Variants in MED14 observed in about 807,000 individuals in gnomAD.
MED14 encodes the protein mediator of RNA polymerase II transcription subunit 14.
A neutral mutation model predicts 109.0 loss-of-function variants in MED14; 8 were observed. The ratio of observed to expected loss-of-function variants is 0.07; its 90% CI spans 0.04 to 0.13. MED14 has a LOEUF of 0.13. Among genes scored for constraint, MED14 ranks in the 10% least tolerant of loss-of-function variants. The pLI, the probability that MED14 is intolerant of heterozygous loss-of-function variation, is 1.00. For missense variants in MED14, 711 were observed against 1,142.4 expected (o/e 0.62, Z 5.44); for synonymous variants, 399 against 408.7 (o/e 0.98, Z 0.29).
intron 15 of MED14, among the ~76,000 whole-genome samples, chrX:40,689,755 T>C (rs1930430922): frequency 8.9e-6 from 1 of 111,978 alleles, no homozygotes; most frequent in African/African-American, 3.2e-5. Flanking sequence ...TATTCACATC[T>C]CAGCCTAAAT....
chrX:40,667,928 AAGT>A (rs745313826), intron 23 of MED14, among the ~76,000 whole-genome samples: 65 of 111,597 alleles, frequency 5.8e-4, no homozygotes, highest in Admixed American at 2.7e-3. Context: ...GCTTCGGCCC[AAGT>A]AGCAGGAAGG....
In MED14 at chrX:40,703,408, TC is replaced by T. The variant is rs1224338427; in HGVS notation, c.1411+35del. On this transcript the variant is annotated intron_variant, in intron 11 of 30. Transcript: ENST00000324817. ...TTTTGTTTTTGTTAAAAATAATTTT[TC>T]TTACATTGAATGATTATATCATTTA... The T allele has an allele frequency of 5.5e-6, 6 of 1,096,174 alleles. No homozygotes were observed. In the African/African-American group the frequency reaches 9.1e-5, roughly 17 times the overall value. The allele number at this position is 1,096,174 out of a possible 1,213,427, so 90.3% of individuals were successfully genotyped here.
Position 40,650,270 on chromosome X carries a change from A to C in MED14, c.*1536T>G. The C allele has an allele frequency of 2.7e-6, 2 of 754,040 alleles. No individual in the cohort carries two copies. The highest frequency in any genetic ancestry group is 1.3e-4 in the South Asian group (2 of 14,885). 62.1% of individuals were successfully genotyped at this position (754,040 alleles called of 1,213,427 possible). ...GAAGTGGGAGATGAAGGCAGAAATA[A>C]GACAAAGAAGAAAGGCAAAGAAGGC... is the stretch of plus-strand genomic sequence containing the variant. On this transcript the variant is annotated 3_prime_UTR_variant, in exon 31 of 31. Transcript: ENST00000324817.
Position 40,713,940 on chromosome X carries a change from G to A in MED14, c.523-33C>T, listed in dbSNP as rs752965223. 4.2e-5 allele frequency: 49 copies of A among 1,170,065 alleles called. 1 individual carries two copies. The Middle Eastern group carries it at 3.6e-3, about 85-fold the overall frequency. ...AAAATTTAAGTGATTTTTAAATAAT[G>A]TACAAACGGGGATTTTTTTTTTCAA... is the stretch of plus-strand genomic sequence containing the variant. On this transcript the variant is annotated intron_variant, in intron 4 of 30. Transcript: ENST00000324817.
intron 3 of MED14, among the ~76,000 whole-genome samples, chrX:40,718,549 T>G (rs1456945308): frequency 8.9e-6 from 1 of 112,570 alleles, no homozygotes; most frequent in Non-Finnish European, 1.9e-5. Context: ...AAGATAAAAC[T>G]TGGCTGGGTG....
At position 40,671,896 on chromosome X, in the gene MED14, T is replaced by C. The variant is rs372684601; in HGVS notation, c.3098A>G (p.Asn1033Ser). 1.8e-5 allele frequency: 22 copies of C among 1,202,832 alleles called. No individual in the cohort carries two copies. The highest frequency in any genetic ancestry group is 7.0e-5 in the African/African-American group (4 of 56,985). ...SPPTSYHSTV[N>S]QSPSMMHTQS... ...TGTGTGCATCATTGAGGGAGACTGA[T>C]TGACTGTGCTATGATAAGATGTAGG... is the stretch of plus-strand genomic sequence containing the variant. Residue 1033 changes from asparagine (N) to serine (S), a missense_variant, in exon 23 of 31, where the codon AAT becomes AGT. Around this residue, in one of 8 missense-constraint regions of MED14, gnomAD observed 100 missense variants for 147.5 expected, o/e 0.68. Transcript: ENST00000324817.
Position 40,666,812 on chromosome X carries a change from C to T in MED14, c.3173G>A (p.Arg1058Lys). The T allele has an allele frequency of 8.4e-7, 1 of 1,187,554 alleles. No homozygotes were observed. The highest frequency in any genetic ancestry group is 1.1e-6 in the Non-Finnish European group (1 of 881,580). ...HAASSPSGAL[R>K]APSPASFVPT... ...AACAAATGACGCTGGTGATGGGGCT[C>T]TCAAAGCCCCACTGGGGGAGCTGGC... is the stretch of plus-strand genomic sequence containing the variant. Residue 1058 changes from arginine (R) to lysine (K), a missense_variant, in exon 24 of 31, where the codon AGA becomes AAA. Transcript: ENST00000324817.
Position 40,659,424 on chromosome X carries a change from A to C in MED14, c.3864+4T>G. On this transcript the variant is annotated splice_donor_region_variant and intron_variant, in intron 27 of 30. Transcript: ENST00000324817. ...ATTCAAATTATGCACTATTAAACAC[A>C]TACTCTTGTTTCAAAGAATTTCTCC... The C allele has an allele frequency of 1.7e-6, 2 of 1,205,352 alleles. No homozygotes were observed. Among genetic ancestry groups the C allele is most frequent in the Non-Finnish European group, 2.2e-6 (2 of 890,983 alleles).
Position 40,649,428 on chromosome X carries a change from GAT to G in MED14, c.*2376_*2377del, listed in dbSNP as rs1301713627. On this transcript the variant is annotated 3_prime_UTR_variant, in exon 31 of 31. Transcript: ENST00000324817. ...TACATTCTGAAATGGCATTTCAGCA[GAT>G]GGAAAAATGAAGGTGGCAAATCAGG... The G allele has an allele frequency of 6.7e-5, 13 of 194,322 alleles. No individual in the cohort carries two copies. Among genetic ancestry groups the G allele is most frequent in the Non-Finnish European group, 1.1e-4 (12 of 111,833 alleles). The allele number at this position is 194,322 out of a possible 1,213,427, so 16.0% of individuals were successfully genotyped here.
At chrX:40,716,009 T>C (rs1455276104) in intron 3 of MED14, among the ~76,000 whole-genome samples, 1 of 109,839 alleles carries the variant, frequency 9.1e-6, no homozygotes, top group Non-Finnish European at 1.9e-5. Flanking sequence ...TAAAACCAAA[T>C]AACTCCATTT....
rs1176548652 is a variant in MED14 at position 40,648,822 on chromosome X, G to A, written c.*2984C>T. On this transcript the variant is annotated 3_prime_UTR_variant, in exon 31 of 31. Transcript: ENST00000324817. Reference sequence around the variant, plus strand: ...GAGTTGTGCAGCACAGTGCTGGCTGGCCTCTGCTAACTTTGTCTTAATAAC... The same window carrying A: ...GAGTTGTGCAGCACAGTGCTGGCTGACCTCTGCTAACTTTGTCTTAATAAC... 8.9e-6 allele frequency: 1 copy of A among 111,871 alleles called. No individual in the cohort carries two copies. Among genetic ancestry groups the A allele is most frequent in the Non-Finnish European group, 1.9e-5 (1 of 53,122 alleles). 9.2% of individuals were successfully genotyped at this position (111,871 alleles called of 1,213,427 possible). A position where few individuals can be genotyped will look rare whatever the true frequency, so the allele number is the denominator to read the frequency against.
intron 24 of MED14, among the ~76,000 whole-genome samples, chrX:40,665,385 C>G (rs185606050): frequency 3.6e-5 from 4 of 110,653 alleles, no homozygotes; most frequent in Non-Finnish European, 5.7e-5. Flanking sequence ...ACTAGCCAGG[C>G]GTGGTTGTGC....
chrX:40,659,352 G>A lies in MED14; in HGVS notation c.3865-18C>T, dbSNP rs1431683262. 6.8e-6 allele frequency: 8 copies of A among 1,172,623 alleles called. No homozygotes were observed. The African/African-American group carries it at 8.9e-5, about 13-fold the overall frequency. ...CCTGCAACCTACAGGGATAAATAAA[G>A]CAAGTTACTCTTCATTCTACATTAA... On this transcript the variant is annotated intron_variant, in intron 27 of 30. Transcript: ENST00000324817.
At chrX:40,735,786 G>A (rs1034537562), upstream of MED14, 11 of 357,232 alleles carry the variant, frequency 3.1e-5, no homozygotes, top group Non-Finnish European at 5.3e-5. Context: ...AGGACCTTCC[G>A]ACAGGTCTGT....
chrX:40,731,394 A>G (rs1277767822), intron 1 of MED14, among the ~76,000 whole-genome samples: 1 of 111,565 alleles, frequency 9.0e-6, no homozygotes, highest in Non-Finnish European at 1.9e-5. Flanking sequence ...TACCTCGAAC[A>G]CTGGCTCTAC....
Position 40,703,111 on chromosome X carries a change from T to C in MED14, c.1411+333A>G, listed in dbSNP as rs757946530. On this transcript the variant is annotated intron_variant, in intron 11 of 30. Coordinates refer to ENST00000324817, the MANE Select transcript of MED14 (RefSeq NM_004229.4). ...CCACAAATGACATTAGAATTCCTTATTGTGATTTCCATGTCACCCAGTGGT... is the reference window on the plus strand; with the variant it reads ...CCACAAATGACATTAGAATTCCTTACTGTGATTTCCATGTCACCCAGTGGT... Among the ~76,000 whole-genome samples, 3 of 112,493 alleles carry C rather than the reference T, an allele frequency of 2.7e-5. No homozygotes were observed. The South Asian group carries it at 1.1e-3, about 41-fold the overall frequency.
chrX:40,702,613 T>G (rs998705230), intron 11 of MED14, among the ~76,000 whole-genome samples: 2 of 111,646 alleles, frequency 1.8e-5, no homozygotes, highest in Non-Finnish European at 3.8e-5. Context: ...CCCAAAGTGC[T>G]GGGATTACAG....
chrX:40,651,375 A>C lies in MED14; in HGVS notation c.*431T>G, dbSNP rs953375778. On this transcript the variant is annotated 3_prime_UTR_variant, in exon 31 of 31. Transcript: ENST00000324817. ...TAAGGATTCAAAGCGGTCATATTAA[A>C]ATACAGCTTCAATATAAAGTTTATC... 6 of 751,662 alleles carry C rather than the reference A, an allele frequency of 8.0e-6. No individual in the cohort carries two copies. The highest frequency in any genetic ancestry group is 4.6e-5 in the African/African-American group (2 of 43,175). 61.9% of individuals were successfully genotyped at this position (751,662 alleles called of 1,213,427 possible).
chrX:40,733,107 AT>A lies in MED14; in HGVS notation c.215+2090del, dbSNP rs753217918. Among the ~76,000 whole-genome samples, 714 of 98,391 alleles carry A rather than the reference AT, an allele frequency of 7.3e-3. 3 individuals carry two copies. Among genetic ancestry groups the A allele is most frequent in the African/African-American group, 0.012 (318 of 27,242 alleles). 85.4% of individuals were successfully genotyped at this position (98,391 alleles called of 115,157 possible). Reference sequence around the variant, plus strand: ...GGTCACTATACAGATGATTATCAATATTTTTTTTTTTTTTTTTGAGATAGGA... The same window carrying A: ...GGTCACTATACAGATGATTATCAATATTTTTTTTTTTTTTTTGAGATAGGA... On this transcript the variant is annotated intron_variant, in intron 1 of 30. Transcript: ENST00000324817.
Sources: allele counts gnomAD v4.1 joint callset (sites outside exome capture counted in the v4.1 genomes callset), GRCh38; gene constraint gnomAD v4.1.1; regional missense constraint gnomAD v4.1.1; transcripts MANE v1.5; gene names NCBI Gene and HGNC (gene_info 2026-07-23, HGNC 2026-07-21).